Variants in MEMO1 observed in about 807,000 individuals in gnomAD.
MEMO1 encodes mediator of cell motility 1.
In MEMO1, 6 loss-of-function variants were observed where a neutral mutation model predicts 45.2. The observed-to-expected ratio is 0.13, with a 90% CI of 0.07 to 0.26. The LOEUF is 0.26. MEMO1 is among the 10% of genes least tolerant of loss of function. The pLI is 1.00. For missense variants in MEMO1, 184 were observed against 370.5 expected (o/e 0.50, Z 4.13); for synonymous variants, 78 against 124.3 (o/e 0.63, Z 2.48).
chr2:31,925,492 A>AAAAAAAAG (rs1558507956), intron 4 of MEMO1, among the ~76,000 whole-genome samples: 1 of 133,846 alleles, frequency 7.5e-6, no homozygotes, highest in African/African-American at 2.6e-5. Flanking sequence ...AAAAAAAAAA[A>AAAAAAAAG]AAAAAAATCT....
rs955545933 is a variant in MEMO1, at chr2:31,879,984, C to A, written c.657+3402G>T. On this transcript the variant is annotated intron_variant, in intron 8 of 9. Transcript: ENST00000404530. ...ACATCCCACCACTCCCTTAACATGA[C>A]ACACCTAATTAATCCCTAAAGTCCT... Among the ~76,000 whole-genome samples the A allele has an allele frequency of 3.9e-5, 6 of 152,274 alleles. No individual in the cohort carries two copies. The South Asian group carries it at 1.0e-3, about 26-fold the overall frequency.
chr2:31,908,585 G>A (rs1680100089), intron 6 of MEMO1, among the ~76,000 whole-genome samples: 1 of 152,130 alleles, frequency 6.6e-6, no homozygotes, highest in South Asian at 2.1e-4. Context: ...GAGCTAGCAG[G>A]AATACTTAAA....
chr2:31,882,699 T>C (rs570112109), intron 8 of MEMO1, among the ~76,000 whole-genome samples: 2 of 152,164 alleles, frequency 1.3e-5, no homozygotes, highest in Non-Finnish European at 2.9e-5. Flanking sequence ...CTACATTTTG[T>C]GTATATTGGA....
chr2:31,925,983 T>C (rs1238958990), intron 4 of MEMO1, among the ~76,000 whole-genome samples: 2 of 152,138 alleles, frequency 1.3e-5, no homozygotes, highest in Non-Finnish European at 2.9e-5. Flanking sequence ...AACCAGACAT[T>C]TTCCTCATGG....
intron 3 of MEMO1, among the ~76,000 whole-genome samples, chr2:31,939,842 A>G (rs1275707906): frequency 6.6e-6 from 1 of 152,140 alleles, no homozygotes; most frequent in Non-Finnish European, 1.5e-5. Flanking sequence ...TTACAGCAAA[A>G]TTCCTCAAAA....
intron 8 of MEMO1, among the ~76,000 whole-genome samples, chr2:31,872,718 A>T (rs562651023): frequency 6.6e-6 from 1 of 152,270 alleles, no homozygotes; most frequent in South Asian, 2.1e-4. Flanking sequence ...AATGTACAAA[A>T]ATTTTAATTC....
intron 2 of MEMO1, among the ~76,000 whole-genome samples, chr2:31,959,811 G>A (rs1393536809): frequency 6.6e-6 from 1 of 152,116 alleles, no homozygotes; most frequent in African/African-American, 2.4e-5. Flanking sequence ...AACAAAGAAA[G>A]CTATCTATTA....
chr2:31,884,122 A>T (rs1675812276), intron 7 of MEMO1, among the ~76,000 whole-genome samples: 1 of 152,130 alleles, frequency 6.6e-6, no homozygotes, highest in Non-Finnish European at 1.5e-5. Flanking sequence ...AGCATAGAAC[A>T]TTCAATGTTT....
At chr2:31,889,578 C>G (rs1423385919) in intron 7 of MEMO1, among the ~76,000 whole-genome samples, 2 of 151,950 alleles carry the variant, frequency 1.3e-5, no homozygotes, top group Non-Finnish European at 2.9e-5. Context: ...ATAGCTTAAC[C>G]CATAACTGGT....
chr2:31,879,107 T>C (rs758543556), intron 8 of MEMO1, among the ~76,000 whole-genome samples: 2 of 152,216 alleles, frequency 1.3e-5, no homozygotes, highest in Non-Finnish European at 2.9e-5. Context: ...CATTTAAACA[T>C]TGCTCCTTTC....
At chr2:31,909,947 G>A (rs1680310282) in intron 6 of MEMO1, among the ~76,000 whole-genome samples, 1 of 151,788 alleles carries the variant, frequency 6.6e-6, no homozygotes, top group African/African-American at 2.4e-5. Context: ...TATTAAAACT[G>A]CAAAAAACCA....
chr2:32,003,895 T>A (rs1673717277), intron 2 of MEMO1, among the ~76,000 whole-genome samples: 1 of 152,134 alleles, frequency 6.6e-6, no homozygotes, highest in Admixed American at 6.6e-5. Flanking sequence ...CTACAAAAAA[T>A]TTTAACAATT....
intron 6 of MEMO1, among the ~76,000 whole-genome samples, chr2:31,901,948 T>G (rs886931160): frequency 6.6e-6 from 1 of 150,900 alleles, no homozygotes; most frequent in African/African-American, 2.4e-5. Flanking sequence ...GTGAGAATAT[T>G]TACACAACTC....
intron 2 of MEMO1, among the ~76,000 whole-genome samples, chr2:31,964,835 AG>A (rs1668424219): frequency 6.6e-6 from 1 of 152,166 alleles, no homozygotes; most frequent in South Asian, 2.1e-4. Flanking sequence ...TTTACAAAAT[AG>A]TTTCTTTTTT....
intron 8 of MEMO1, among the ~76,000 whole-genome samples, chr2:31,880,389 G>A (rs1191439725): frequency 6.6e-6 from 1 of 152,162 alleles, no homozygotes; most frequent in East Asian, 1.9e-4. Context: ...TGGATTTAAA[G>A]TAGCAACTAA....
chr2:31,943,835 TC>T (rs1665895217), intron 2 of MEMO1, among the ~76,000 whole-genome samples: 1 of 152,066 alleles, frequency 6.6e-6, no homozygotes, highest in African/African-American at 2.4e-5. Context: ...CCCACTCCAG[TC>T]CCCTATTCTC....
intron 2 of MEMO1, among the ~76,000 whole-genome samples, chr2:32,004,333 A>G (rs1673778841): frequency 6.6e-6 from 1 of 152,180 alleles, no homozygotes; most frequent in Admixed American, 6.6e-5. Context: ...TAAACAGCCC[A>G]GTAGAAAAAA....
intron 4 of MEMO1, among the ~76,000 whole-genome samples, chr2:31,930,811 A>ATTTTTTTTTTTTTTTTTTTTTT (rs376524077): frequency 7.1e-5 from 9 of 126,086 alleles, no homozygotes; most frequent in African/African-American, 2.5e-4. Flanking sequence ...ACGCCTGGCA[A>ATTTTTTTTTTTTTTTTTTTTTT]TTTTTTTTTT....
At chr2:31,943,207 G>A in intron 3 of MEMO1, 95 bp downstream of exon 3, 1 of 915,184 alleles carries the variant, frequency 1.1e-6, no homozygotes, top group Non-Finnish European at 1.8e-6. Flanking sequence ...GGAGGTTGCA[G>A]TGAGCCGAGA....
Sources: allele counts gnomAD v4.1 joint callset (sites outside exome capture counted in the v4.1 genomes callset), GRCh38; gene constraint gnomAD v4.1.1; transcripts MANE v1.5; gene names NCBI Gene and HGNC (gene_info 2026-07-23, HGNC 2026-07-21).